Variants in LHCGR observed in about 807,000 individuals in gnomAD.
The protein encoded by LHCGR is luteinizing hormone/choriogonadotropin receptor, also known as lutropin-choriogonadotropic hormone receptor.
Under a neutral mutation model 60.7 loss-of-function variants are expected in LHCGR, and 55 were observed. The observed-to-expected ratio is 0.91, with a 90% CI of 0.73 to 1.13. The LOEUF (loss-of-function observed/expected upper bound fraction) is 1.13. Ranked by LOEUF, LHCGR falls within the 50% of genes most tolerant of loss-of-function variation. LHCGR has a pLI of 0.00. For synonymous variants in LHCGR, 337 were observed against 316.5 expected, an observed-to-expected ratio of 1.06 and a Z score of -0.69; for missense variants, 862 against 836.0, an observed-to-expected ratio of 1.03 and a Z score of -0.38.
At chr2:48,732,990 A>G (rs950553858) in intron 1 of LHCGR, 3 of 510,514 alleles carry the variant, frequency 5.9e-6, no homozygotes, top group Non-Finnish European at 8.1e-6. Context: ...TTGTGATGGC[A>G]TATTTGCTTC....
In LHCGR at chr2:48,708,937, A is replaced by ATTC. The variant is rs1363770545; in HGVS notation, c.680+8_680+10dup. 6.2e-7 allele frequency: 1 copy of ATTC among 1,611,580 alleles called. No homozygotes were observed. Among genetic ancestry groups the ATTC allele is most frequent in the South Asian group, 1.1e-5 (1 of 91,034 alleles). On this transcript the variant is annotated intron_variant, in intron 8 of 10. Coordinates refer to ENST00000294954, the MANE Select transcript of LHCGR (RefSeq NM_000233.4). ...CTGGGCAGGGAGGGGAGGCAGCACC[A>ATTC]TTCTACTCACAAGGTTTTCGGCCCT...
At chr2:48,751,708 C>T (rs551735561) in intron 1 of LHCGR, among the ~76,000 whole-genome samples, 2 of 152,182 alleles carry the variant, frequency 1.3e-5, no homozygotes, top group Admixed American at 6.5e-5. Flanking sequence ...AATGCTGGAT[C>T]GATATGAACA....
At chr2:48,694,103 A>T in intron 10 of LHCGR, 121 bp downstream of exon 10, 1 of 709,300 alleles carries the variant, frequency 1.4e-6, no homozygotes, top group South Asian at 1.6e-5. Context: ...AAACTATTAA[A>T]AGTTGCTTTG....
chr2:48,750,607 T>C (rs536979395), intron 1 of LHCGR, among the ~76,000 whole-genome samples: 30 of 152,242 alleles, frequency 2.0e-4, no homozygotes, highest in Non-Finnish European at 3.4e-4. Flanking sequence ...TTAGCTGTAA[T>C]ACATGCTAGC....
intron 1 of LHCGR, among the ~76,000 whole-genome samples, chr2:48,742,030 G>A (rs1350212094): frequency 2.6e-5 from 4 of 152,202 alleles, no homozygotes; most frequent in African/African-American, 9.6e-5. Flanking sequence ...AAAAAAGGCA[G>A]GGGTTGCCAT....
At chr2:48,722,788 T>C (rs55793588) in intron 6 of LHCGR, among the ~76,000 whole-genome samples, 2,205 of 152,312 alleles carry the variant, frequency 0.014, 50 homozygotes, top group African/African-American at 0.05. Context: ...TAGTTCTTTA[T>C]AGCAATGTGA....
At chr2:48,721,421 C>G (rs1234407302) in intron 6 of LHCGR, 2 of 249,648 alleles carry the variant, frequency 8.0e-6, no homozygotes, top group African/African-American at 2.2e-5. Context: ...AACAGAATCT[C>G]TTTCCTGGTG....
intron 1 of LHCGR, among the ~76,000 whole-genome samples, chr2:48,752,269 T>C (rs558147858): frequency 3.3e-4 from 50 of 152,326 alleles, no homozygotes; most frequent in African/African-American, 1.2e-3. Flanking sequence ...CCTTGTTTTT[T>C]TTCTTCTTCT....
rs777404921 is a variant in LHCGR at position 48,698,604 on chromosome 2, T to C, written c.866+11A>G. On this transcript the variant is annotated intron_variant, in intron 9 of 10. Transcript: ENST00000294954. ...AGCTTGGGTAGGCTTTACCTTTTGG[T>C]TTCTACTTACTCTTTTGTTGGCAAG... is the stretch of plus-strand genomic sequence containing the variant. 1.9e-6 allele frequency: 3 copies of C among 1,612,736 alleles called. No homozygotes were observed. The highest frequency in any genetic ancestry group is 2.2e-5 in the South Asian group (2 of 91,052).
At chr2:48,707,997 C>CCT (rs894545065) in intron 8 of LHCGR, among the ~76,000 whole-genome samples, 8 of 152,114 alleles carry the variant, frequency 5.3e-5, no homozygotes, top group African/African-American at 1.7e-4. Context: ...GAGGTGACGC[C>CCT]CTGCCCTGCT....
chr2:48,755,269 C>T (rs370743399), intron 1 of LHCGR, among the ~76,000 whole-genome samples: 2 of 152,004 alleles, frequency 1.3e-5, no homozygotes, highest in South Asian at 2.1e-4. Flanking sequence ...TCTACTCCCC[C>T]GGCCACAGCC....
At chr2:48,727,400 C>T (rs1216825563) in intron 3 of LHCGR, among the ~76,000 whole-genome samples, 2 of 152,120 alleles carry the variant, frequency 1.3e-5, no homozygotes, top group African/African-American at 4.8e-5. Context: ...CAGCTGTGAA[C>T]AAAGCAAAAA....
chr2:48,705,131 C>G (rs1667601059), intron 8 of LHCGR, among the ~76,000 whole-genome samples: 1 of 152,006 alleles, frequency 6.6e-6, no homozygotes, highest in Non-Finnish European at 1.5e-5. Context: ...TTATTTTTGC[C>G]TTCATTTCGT....
chr2:48,689,966 G>A (rs1476740437), intron 10 of LHCGR, among the ~76,000 whole-genome samples: 8 of 152,028 alleles, frequency 5.3e-5, no homozygotes, highest in Non-Finnish European at 8.8e-5. Context: ...TGCCCGCCTC[G>A]GCCTCCAAAG....
At chr2:48,734,981 C>T (rs568312424) in intron 1 of LHCGR, among the ~76,000 whole-genome samples, 9 of 152,174 alleles carry the variant, frequency 5.9e-5, no homozygotes, top group African/African-American at 2.2e-4. Flanking sequence ...TAGAACTATG[C>T]AGCTACTTAA....
intron 1 of LHCGR, among the ~76,000 whole-genome samples, chr2:48,754,443 CT>C (rs904467843): frequency 5.9e-5 from 9 of 152,010 alleles, no homozygotes; most frequent in Admixed American, 5.2e-4. Context: ...TGTCTTTTGT[CT>C]TTTTTTCCCT....
At chr2:48,692,839 C>T (rs1353383326) in intron 10 of LHCGR, among the ~76,000 whole-genome samples, 1 of 152,160 alleles carries the variant, frequency 6.6e-6, no homozygotes, top group African/African-American at 2.4e-5. Flanking sequence ...TCATAAAATG[C>T]TTTCACAAGA....
chr2:48,740,283 C>T (rs1669385014), intron 1 of LHCGR, among the ~76,000 whole-genome samples: 1 of 152,212 alleles, frequency 6.6e-6, no homozygotes, highest in Admixed American at 6.5e-5. Context: ...CTGCCATTGC[C>T]CAGGCTTGCT....
At chr2:48,743,323 A>T (rs956270137) in intron 1 of LHCGR, among the ~76,000 whole-genome samples, 1 of 152,126 alleles carries the variant, frequency 6.6e-6, no homozygotes, top group East Asian at 1.9e-4. Flanking sequence ...AAAAGAGGGA[A>T]TCCTCCCTAA....
Sources: gnomAD v4.1 joint callset for allele counts (sites outside exome capture counted in the v4.1 genomes callset) on GRCh38, gnomAD v4.1.1 for gene constraint, MANE v1.5 for transcripts, NCBI Gene and HGNC (gene_info 2026-07-23, HGNC 2026-07-21) for gene names.